The following RYR2 variants were observed in gnomAD, a reference collection of about 807,000 sequenced individuals.
RYR2 encodes ryanodine receptor 2, also known as cardiac muscle ryanodine receptor-calcium release channel.
RYR2 carries 227 observed loss-of-function variants against 601.1 expected under a neutral mutation model. That is an observed-to-expected ratio of 0.38 (90% CI 0.34 to 0.42). The LOEUF (loss-of-function observed/expected upper bound fraction) is 0.42, where lower values mean the gene tolerates loss of function less well. Ranked by LOEUF, RYR2 falls within the 10% of genes least tolerant of loss-of-function variation. The pLI, the probability that RYR2 is intolerant of heterozygous loss-of-function variation, is 1.00. For synonymous variants in RYR2, 2,223 were observed against 2,175.1 expected, an observed-to-expected ratio of 1.02 and a Z score of -0.61; for missense variants, 4,646 against 6,156.5, an observed-to-expected ratio of 0.75 and a Z score of 8.21.
At chr1:237,689,863 A>T (rs4659804) in intron 63 of RYR2, among the ~76,000 whole-genome samples, 1 of 148,548 alleles carries the variant, frequency 6.7e-6, no homozygotes, top group African/African-American at 2.5e-5. Context: ...TTTTTTTTGA[A>T]AGAGTTTCAC....
At chr1:237,418,172 A>G (rs1374209914) in intron 11 of RYR2, among the ~76,000 whole-genome samples, 2 of 152,048 alleles carry the variant, frequency 1.3e-5, no homozygotes, top group African/African-American at 4.8e-5. Flanking sequence ...CCTCCCGAGT[A>G]GCTGGGACTA....
At chr1:237,309,930 C>A (rs950999037) in intron 2 of RYR2, among the ~76,000 whole-genome samples, 21 of 152,192 alleles carry the variant, frequency 1.4e-4, no homozygotes, top group Non-Finnish European at 2.1e-4. Flanking sequence ...AGTGCGGGAC[C>A]CGCCGAGCCC....
chr1:237,256,428 G>C (rs1343001468), intron 1 of RYR2, among the ~76,000 whole-genome samples: 1 of 152,166 alleles, frequency 6.6e-6, no homozygotes, highest in African/African-American at 2.4e-5. Flanking sequence ...GGTGATTATA[G>C]AAAGGAAACC....
At chr1:237,798,311 C>G (rs767730869) in intron 97 of RYR2, 141 bp downstream of exon 97, 47 of 729,432 alleles carry the variant, frequency 6.4e-5, no homozygotes, top group Non-Finnish European at 8.7e-5. Flanking sequence ...TATATAAAGT[C>G]TACTTTTACA....
In RYR2 at chr1:237,097,579, A is replaced by G. The variant is rs1326189566; in HGVS notation, c.48+55010A>G. On this transcript the variant is annotated intron_variant, in intron 1 of 104. Coordinates refer to ENST00000366574, the MANE Select transcript of RYR2 (RefSeq NM_001035.3). ...GTTTCTCAGGCATCCTCATGACACCATCTTCCAGTATAGGAGACCAAAATG... is the reference window on the plus strand; with the variant it reads ...GTTTCTCAGGCATCCTCATGACACCGTCTTCCAGTATAGGAGACCAAAATG... Among the ~76,000 whole-genome samples, 3 of 152,204 alleles carry G rather than the reference A, an allele frequency of 2.0e-5. No homozygotes were observed. The East Asian group carries it at 5.8e-4, about 29-fold the overall frequency.
Position 237,152,100 on chromosome 1 carries a change from C to T in RYR2, c.48+109531C>T, listed in dbSNP as rs188569460. Among the ~76,000 whole-genome samples the T allele has an allele frequency of 1.3e-3, 191 of 152,116 alleles. 2 individuals carry two copies. Among genetic ancestry groups the T allele is most frequent in the African/African-American group, 3.9e-3 (161 of 41,514 alleles). On this transcript the variant is annotated intron_variant, in intron 1 of 104. Coordinates refer to ENST00000366574, the MANE Select transcript of RYR2 (RefSeq NM_001035.3). ...GCTCCCACTTATGAGCGAGAACATG[C>T]GGTGTTTGGTTTTCTGTTCCTGTGT...
intron 11 of RYR2, 102 bp downstream of exon 11, chr1:237,417,225 A>C (rs925350354): frequency 1.2e-6 from 1 of 847,224 alleles, no homozygotes; most frequent in African/African-American, 1.7e-5. Context: ...ACAGCAAGCA[A>C]GCGAACAAAG....
rs1209489468 is a variant in RYR2 at position 237,456,603 on chromosome 1, A to G, written c.1480A>G (p.Met494Val). The change falls in exon 16 of 105, where the codon ATG becomes GTG. Residue 494 changes from methionine (M) to valine (V), a missense_variant. Physicochemically the swap from Met to Val is conservative, Grantham distance 21. This residue lies in a region of RYR2 where 1,807 missense variants were observed against 2,088.1 expected (regional missense o/e 0.87). Transcript: ENST00000366574. Reference protein sequence around the residue: ...NRQNLFQEEGMINLVLECIDR... With the variant: ...NRQNLFQEEGVINLVLECIDR... ...TTTTTTTTTTTTAACGTTCCAGGGA[A>G]TGATCAACCTCGTGCTTGAGTGCAT... 3 of 1,505,936 alleles carry G rather than the reference A, an allele frequency of 2.0e-6. No homozygotes were observed. Among genetic ancestry groups the G allele is most frequent in the Non-Finnish European group, 2.7e-6 (3 of 1,119,140 alleles). The allele number at this position is 1,505,936 out of a possible 1,614,324, so 93.3% of individuals were successfully genotyped here. A position where few individuals can be genotyped will look rare whatever the true frequency, so the allele number is the denominator to read the frequency against.
intron 1 of RYR2, among the ~76,000 whole-genome samples, chr1:237,088,081 A>G (rs1173713241): frequency 6.6e-6 from 1 of 152,120 alleles, no homozygotes; most frequent in African/African-American, 2.4e-5. Context: ...GTAATATTGG[A>G]TATATGTAAT....
At chr1:237,556,403 G>A (rs867641270) in intron 27 of RYR2, among the ~76,000 whole-genome samples, 4 of 151,194 alleles carry the variant, frequency 2.6e-5, no homozygotes, top group South Asian at 4.2e-4. Flanking sequence ...TGGTTCAGGT[G>A]ATTTTCCCTG....
intron 63 of RYR2, among the ~76,000 whole-genome samples, chr1:237,689,570 T>C (rs986085058): frequency 2.6e-5 from 4 of 152,176 alleles, no homozygotes; most frequent in African/African-American, 9.7e-5. Context: ...TAACATTAGT[T>C]CCTTCCCTGT....
chr1:237,383,520 C>G lies in RYR2; in HGVS notation c.577-3761C>G, dbSNP rs1044277676. On this transcript the variant is annotated intron_variant, in intron 8 of 104. Coordinates refer to ENST00000366574, the MANE Select transcript of RYR2 (RefSeq NM_001035.3). ...TCTCGGCTCGCTGCAAGCTCCACCT[C>G]CCGGGTTCACGCCATTCTCCTGCCT... is the stretch of plus-strand genomic sequence containing the variant. Among the ~76,000 whole-genome samples, 27 of 148,876 alleles carry G rather than the reference C, an allele frequency of 1.8e-4. 1 individual carries two copies. Among genetic ancestry groups the G allele is most frequent in the Non-Finnish European group, 3.4e-4 (23 of 67,364 alleles).
At chr1:237,804,891 G>T (rs1660440287) in intron 98 of RYR2, among the ~76,000 whole-genome samples, 1 of 152,206 alleles carries the variant, frequency 6.6e-6, no homozygotes, top group East Asian at 1.9e-4. Context: ...TCTTTTGTTG[G>T]CTGTAGAGCA....
intron 2 of RYR2, among the ~76,000 whole-genome samples, chr1:237,281,084 C>T (rs769291223): frequency 8.5e-5 from 13 of 152,138 alleles, no homozygotes; most frequent in Non-Finnish European, 1.8e-4. Flanking sequence ...CACGCCTGGC[C>T]TCTTTTTAGT....
chr1:237,445,261 C>A, intron 13 of RYR2, 140 bp from the exon 14 acceptor site: 2 of 941,040 alleles, frequency 2.1e-6, no homozygotes, highest in East Asian at 2.5e-5. Context: ...TTTATCTGAA[C>A]GTAACAGCTT....
chr1:237,533,503 T>C (rs890042562), intron 25 of RYR2, among the ~76,000 whole-genome samples: 2 of 152,076 alleles, frequency 1.3e-5, no homozygotes, highest in Non-Finnish European at 2.9e-5. Context: ...GGGGTAGTTA[T>C]AGGAGGTGGA....
chr1:237,746,371 C>T (rs944315766), intron 80 of RYR2, among the ~76,000 whole-genome samples: 3 of 152,062 alleles, frequency 2.0e-5, no homozygotes, highest in African/African-American at 7.2e-5. Context: ...TATTTAAATT[C>T]TTTCCCTGTA....
chr1:237,423,696 G>A (rs1705822682), intron 12 of RYR2, among the ~76,000 whole-genome samples: 1 of 152,080 alleles, frequency 6.6e-6, no homozygotes, highest in Non-Finnish European at 1.5e-5. Flanking sequence ...ATGTTTTTGG[G>A]TTACAGTGTG....
intron 1 of RYR2, among the ~76,000 whole-genome samples, chr1:237,268,935 C>CAAAAAAAAAA (rs1160004017): frequency 6.2e-5 from 1 of 16,224 alleles, no homozygotes; most frequent in Non-Finnish European, 1.2e-4. Flanking sequence ...ACTCTTGTCT[C>CAAAAAAAAAA]AAAAAAAAAA....
Sources: gnomAD v4.1 joint callset for allele counts (sites outside exome capture counted in the v4.1 genomes callset) on GRCh38, gnomAD v4.1.1 for gene constraint, gnomAD v4.1.1 regional missense constraint, MANE v1.5 for transcripts, NCBI Gene and HGNC (gene_info 2026-07-23, HGNC 2026-07-21) for gene names.